PHTF2: variants seen among roughly 807,000 people sequenced by gnomAD.
PHTF2 encodes putative homeodomain transcription factor 2.
In PHTF2, 60 loss-of-function variants were observed where a neutral mutation model predicts 101.2. The ratio of observed to expected loss-of-function variants is 0.59; its 90% CI spans 0.48 to 0.73. The LOEUF is 0.73. Ranked by LOEUF, PHTF2 falls within the 30% of genes least tolerant of loss-of-function variation. The probability of loss-of-function intolerance (pLI) is 0.00; values close to 1 mark genes in which losing one functional copy is unlikely to be tolerated. For missense variants in PHTF2, 747 were observed against 908.7 expected, an observed-to-expected ratio of 0.82 and a Z score of 2.29; for synonymous variants, 311 against 307.3, an observed-to-expected ratio of 1.01 and a Z score of -0.13.
At chr7:77,953,302 G>A (rs1806713177) in intron 18 of PHTF2, among the ~76,000 whole-genome samples, 1 of 152,148 alleles carries the variant, frequency 6.6e-6, no homozygotes, top group Admixed American at 6.5e-5. Flanking sequence ...CTAGCACAGG[G>A]CTTGGCATAT....
chr7:77,868,605 C>A (rs1798267891), intron 3 of PHTF2, among the ~76,000 whole-genome samples: 1 of 152,120 alleles, frequency 6.6e-6, no homozygotes, highest in African/African-American at 2.4e-5. Flanking sequence ...TTACTTAATT[C>A]TCATCTAAAC....
At chr7:77,902,241 C>G (rs1562931820) in intron 7 of PHTF2, among the ~76,000 whole-genome samples, 1 of 152,100 alleles carries the variant, frequency 6.6e-6, no homozygotes, top group Non-Finnish European at 1.5e-5. Context: ...ACAACCTATA[C>G]AAGTTTATTA....
chr7:77,815,961 C>T (rs549857623), intron 1 of PHTF2, among the ~76,000 whole-genome samples: 17 of 151,940 alleles, frequency 1.1e-4, no homozygotes, highest in South Asian at 2.1e-4. Context: ...TGTATGTATG[C>T]GTTTGCTGTC....
intron 1 of PHTF2, among the ~76,000 whole-genome samples, chr7:77,810,921 G>A (rs994894924): frequency 1.3e-5 from 2 of 151,194 alleles, no homozygotes; most frequent in African/African-American, 2.4e-5. Context: ...TTTTATTTTT[G>A]GGATAGAGTT....
exon 12 of PHTF2, chr7:77,929,180 G>T: frequency 6.2e-7 from 1 of 1,613,728 alleles, no homozygotes; most frequent in Non-Finnish European, 8.5e-7. Flanking sequence ...AGAGTGCAAG[G>T]CCAGAATCTG....
intron 7 of PHTF2, 89 bp from the exon 7 acceptor site, chr7:77,908,704 G>T: frequency 4.9e-6 from 4 of 810,810 alleles, no homozygotes; most frequent in South Asian, 2.6e-5. Context: ...AAATATTTTG[G>T]CAAAAAATAA....
chr7:77,891,999 C>T (rs567639818), intron 3 of PHTF2, among the ~76,000 whole-genome samples: 2 of 152,268 alleles, frequency 1.3e-5, no homozygotes, highest in East Asian at 1.9e-4. Flanking sequence ...AGAGAATAGC[C>T]GGGTGCGTTG....
chr7:77,805,378 A>G (rs771295646), intron 1 of PHTF2, among the ~76,000 whole-genome samples: 18 of 151,920 alleles, frequency 1.2e-4, no homozygotes, highest in Admixed American at 1.1e-3. Flanking sequence ...TTCGTTTTCT[A>G]TGTTGATTTT....
chr7:77,935,238 T>TTTTC lies in PHTF2; in HGVS notation c.1339-2470_1339-2469insTCTT, dbSNP rs1326501844. Among the ~76,000 whole-genome samples the TTTTC allele has an allele frequency of 8.2e-4, 119 of 145,134 alleles. 2 individuals carry two copies. The highest frequency in any genetic ancestry group is 3.1e-3 in the African/African-American group (119 of 38,794). ...CCTTTTTTTTTTTTTTTTTTTTTTT[T>TTTTC]TTCAGACGGAGTCCCACTCTGTCGC... On this transcript the variant is annotated intron_variant, in intron 12 of 19. Coordinates refer to ENST00000416283, the Ensembl canonical transcript of PHTF2.
At chr7:77,823,024 C>T (rs1794422096) in intron 1 of PHTF2, among the ~76,000 whole-genome samples, 1 of 151,072 alleles carries the variant, frequency 6.6e-6, no homozygotes, top group Non-Finnish European at 1.5e-5. Context: ...CCTGCCTCAG[C>T]CTCCCGAGTA....
Position 77,893,657 on chromosome 7 carries a change from A to AAATC in PHTF2, c.200_203dup (p.Lys68AsnfsTer5). The stretch of plus-strand genomic sequence containing the variant: ...TGGGAAAAATCTGTTGAACAGAGAG[A>AAATC]AATCAAGGTAAGGAGTTTATTTCAT... On this transcript the variant is annotated frameshift_variant, in exon 4 of 20. Transcript: ENST00000416283. LOFTEE classifies it high-confidence loss of function. The AAATC allele has an allele frequency of 7.5e-7, 1 of 1,338,362 alleles. No homozygotes were observed. The highest frequency in any genetic ancestry group is 1.1e-6 in the Non-Finnish European group (1 of 944,166). 82.9% of individuals were successfully genotyped at this position (1,338,362 alleles called of 1,614,324 possible).
At position 77,871,128 on chromosome 7, in the gene PHTF2, GT is replaced by G. The variant is rs551545895; in HGVS notation, c.147+16298del. On this transcript the variant is annotated intron_variant, in intron 3 of 19. Coordinates refer to ENST00000416283, the Ensembl canonical transcript of PHTF2. ...AGCAAGCACCTCAGCAAGTCATGGT[GT>G]TTTCTCTGGTGGAGTGACCCAAACC... Among the ~76,000 whole-genome samples, 208 of 151,984 alleles carry G rather than the reference GT, an allele frequency of 1.4e-3. 3 individuals carry two copies. Among genetic ancestry groups the G allele is most frequent in the Middle Eastern group, 6.8e-3 (2 of 294 alleles).
At chr7:77,801,121 T>A (rs1341846727) in intron 1 of PHTF2, among the ~76,000 whole-genome samples, 1 of 152,150 alleles carries the variant, frequency 6.6e-6, no homozygotes, top group African/African-American at 2.4e-5. Context: ...GGAGTCACCT[T>A]CTCTGTGTTT....
intron 11 of PHTF2, among the ~76,000 whole-genome samples, chr7:77,924,977 C>A: frequency 6.6e-6 from 1 of 152,184 alleles, no homozygotes; most frequent in East Asian, 1.9e-4. Context: ...ATGCAGGAGG[C>A]GTCCTAGGGA....
In PHTF2 at chr7:77,894,096, C is replaced by G. The variant is rs181696487; in HGVS notation, c.216+103C>G. On this transcript the variant is annotated intron_variant, in intron 5 of 19. Coordinates refer to ENST00000416283, the Ensembl canonical transcript of PHTF2. ...TGCTACTAACAGATTGACTTGGACT[C>G]GAAAAGAGTCACTGAAAAGTTGGTC... 6.8e-6 allele frequency: 6 copies of G among 877,338 alleles called. No individual in the cohort carries two copies. In the East Asian group the frequency reaches 1.4e-4, roughly 21 times the overall value. 54.3% of individuals were successfully genotyped at this position (877,338 alleles called of 1,614,324 possible). A position where few individuals can be genotyped will look rare whatever the true frequency, so the allele number is the denominator to read the frequency against.
At chr7:77,901,230 G>T (rs1422827721) in intron 6 of PHTF2, among the ~76,000 whole-genome samples, 2 of 152,146 alleles carry the variant, frequency 1.3e-5, no homozygotes, top group Non-Finnish European at 2.9e-5. Flanking sequence ...ATTTGAATGG[G>T]GACTGATATT....
At chr7:77,865,129 A>G (rs1180090214) in intron 3 of PHTF2, among the ~76,000 whole-genome samples, 2 of 152,104 alleles carry the variant, frequency 1.3e-5, no homozygotes, top group East Asian at 3.9e-4. Context: ...AGAGATCTTG[A>G]TCCTCTTTTA....
rs58290945 is a variant in PHTF2, at chr7:77,925,495, G to GTTTTTTTTTTTTTTTTTTT, written c.1119+2730_1119+2748dup. Among the ~76,000 whole-genome samples, 28 of 73,166 alleles carry GTTTTTTTTTTTTTTTTTTT rather than the reference G, an allele frequency of 3.8e-4. 3 individuals are homozygous for GTTTTTTTTTTTTTTTTTTT. Among genetic ancestry groups the GTTTTTTTTTTTTTTTTTTT allele is most frequent in the African/African-American group, 1.6e-3 (27 of 17,300 alleles). 48.0% of individuals were successfully genotyped at this position (73,166 alleles called of 152,430 possible). A position where few individuals can be genotyped will look rare whatever the true frequency, so the allele number is the denominator to read the frequency against. On this transcript the variant is annotated intron_variant, in intron 11 of 19. Transcript: ENST00000416283. ...GCAATTATAGGCAATAGTTTTTAGG[G>GTTTTTTTTTTTTTTTTTTT]TTTTTTTTTTTTTTTTTTTTTTTTT...
chr7:77,954,612 G>GTGTATGTATATATATATATA (rs1426693429), intron 19 of PHTF2, among the ~76,000 whole-genome samples: 1 of 90,194 alleles, frequency 1.1e-5, no homozygotes, highest in African/African-American at 4.8e-5. Flanking sequence ...CAAGTACTGT[G>GTGTATGTATATATATATATA]TATATATATA....
Sources: allele counts gnomAD v4.1 joint callset (sites outside exome capture counted in the v4.1 genomes callset), GRCh38; gene constraint gnomAD v4.1.1; transcripts MANE v1.5; gene names NCBI Gene and HGNC (gene_info 2026-07-23, HGNC 2026-07-21).